PPA2: variants seen among roughly 807,000 people sequenced by gnomAD.
PPA2 encodes the protein inorganic pyrophosphatase 2.
Under a neutral mutation model 49.5 loss-of-function variants are expected in PPA2, and 48 were observed. The observed-to-expected ratio is 0.97, with a 90% confidence interval of 0.77 to 1.23. The LOEUF is 1.23. Ranked by LOEUF, PPA2 falls within the 50% of genes most tolerant of loss-of-function variation. The pLI is 0.00. For missense variants in PPA2, 429 were observed against 410.1 expected, an observed-to-expected ratio of 1.05 and a Z score of -0.40; for synonymous variants, 131 against 139.9, an observed-to-expected ratio of 0.94 and a Z score of 0.45.
At chr4:105,411,123 T>C (rs1434799146) in intron 7 of PPA2, among the ~76,000 whole-genome samples, 1 of 152,036 alleles carries the variant, frequency 6.6e-6, no homozygotes, top group African/African-American at 2.4e-5. Context: ...GACTGGCAAA[T>C]TGGATAAAGA....
chr4:105,451,029 T>C (rs564964084), intron 3 of PPA2, among the ~76,000 whole-genome samples: 2 of 152,168 alleles, frequency 1.3e-5, no homozygotes, highest in Non-Finnish European at 2.9e-5. Flanking sequence ...TGATTTAACA[T>C]ACTTATTTTC....
At chr4:105,421,455 A>C (rs1333694983) in intron 7 of PPA2, among the ~76,000 whole-genome samples, 2 of 152,198 alleles carry the variant, frequency 1.3e-5, no homozygotes, top group African/African-American at 2.4e-5. Flanking sequence ...TATAATTTTT[A>C]AAATGCCATC....
At chr4:105,420,963 C>A (rs975224495) in intron 7 of PPA2, among the ~76,000 whole-genome samples, 1 of 152,092 alleles carries the variant, frequency 6.6e-6, no homozygotes, top group African/African-American at 2.4e-5. Context: ...ATAGGAAAAA[C>A]AATTATACTT....
intron 1 of PPA2, among the ~76,000 whole-genome samples, chr4:105,462,819 G>C (rs1022138282): frequency 4.8e-4 from 73 of 152,116 alleles, no homozygotes; most frequent in Admixed American, 3.9e-4. Context: ...ATTACAGAAG[G>C]GGTAGTGTTC....
chr4:105,411,747 G>A (rs1306727168), intron 7 of PPA2, among the ~76,000 whole-genome samples: 2 of 152,138 alleles, frequency 1.3e-5, no homozygotes, highest in Admixed American at 6.5e-5. Context: ...CAAAGTCTCA[G>A]GATACAAAAT....
intron 7 of PPA2, among the ~76,000 whole-genome samples, chr4:105,414,091 G>GA (rs139170886): frequency 0.016 from 2,421 of 152,162 alleles, 44 homozygotes; most frequent in African/African-American, 0.051. Flanking sequence ...AGAAATACAA[G>GA]AAAGATGTTC....
chr4:105,417,455 A>G (rs1723063895), intron 7 of PPA2, among the ~76,000 whole-genome samples: 1 of 152,104 alleles, frequency 6.6e-6, no homozygotes. Context: ...AAAGGCTTTG[A>G]GAGGTTATGA....
intron 9 of PPA2, among the ~76,000 whole-genome samples, chr4:105,390,764 G>C (rs1482573462): frequency 6.6e-6 from 1 of 152,188 alleles, no homozygotes; most frequent in African/African-American, 2.4e-5. Flanking sequence ...AACCATTGTG[G>C]AAGACAGTGT....
chr4:105,374,928 T>G (rs2636695), intron 10 of PPA2, among the ~76,000 whole-genome samples: 37,198 of 150,752 alleles, frequency 0.25, 4,715 homozygotes, highest in East Asian at 0.43. Flanking sequence ...CTGAACTCAA[T>G]TGATCTACCC....
chr4:105,392,219 T>G (rs955143165), intron 9 of PPA2, among the ~76,000 whole-genome samples: 2 of 151,898 alleles, frequency 1.3e-5, no homozygotes, highest in Non-Finnish European at 1.5e-5. Context: ...TAATATAATA[T>G]TTAGATTTCA....
chr4:105,400,647 T>C (rs1010603167), intron 7 of PPA2, among the ~76,000 whole-genome samples: 20 of 152,162 alleles, frequency 1.3e-4, no homozygotes, highest in Non-Finnish European at 1.5e-5. Context: ...TGCTTAAATC[T>C]GATTTATGAC....
intron 7 of PPA2, among the ~76,000 whole-genome samples, chr4:105,420,388 G>A (rs538471897): frequency 1.3e-5 from 2 of 152,184 alleles, no homozygotes; most frequent in Admixed American, 6.5e-5. Context: ...TTACTGGTGC[G>A]AGCAACCATG....
At position 105,455,765 on chromosome 4, in the gene PPA2, A is replaced by G. The variant is rs1722851746; in HGVS notation, c.222+916T>C. ...TCTGAGGTAACACCAGGGTCAAACAACCCTTGCATCTGAAGTAGCCTCCTC... is the reference window on the plus strand; with the variant it reads ...TCTGAGGTAACACCAGGGTCAAACAGCCCTTGCATCTGAAGTAGCCTCCTC... On this transcript the variant is annotated intron_variant, in intron 2 of 11. Coordinates refer to ENST00000341695, the MANE Select transcript of PPA2 (RefSeq NM_176869.3). 2.0e-5 allele frequency among the ~76,000 whole-genome samples: 3 copies of G among 151,976 alleles called. No individual in the cohort carries two copies. The South Asian group carries it at 6.2e-4, about 32-fold the overall frequency.
At position 105,465,374 on chromosome 4, in the gene PPA2, C is replaced by A. The variant is rs544775382; in HGVS notation, c.157+8520G>T. ...TATCATCAAAATTATGGAATCCTCT[C>A]TTTACCCAAACAGCTCCTTCAGGAA... is the stretch of plus-strand genomic sequence containing the variant. On this transcript the variant is annotated intron_variant, in intron 1 of 11. Transcript: ENST00000341695. Among the ~76,000 whole-genome samples, 16 of 152,320 alleles carry A rather than the reference C, an allele frequency of 1.1e-4. 1 individual carries two copies. The South Asian group carries it at 3.3e-3, about 32-fold the overall frequency.
Position 105,369,661 on chromosome 4 carries a change from T to A in PPA2, c.*64A>T. The A allele has an allele frequency of 1.1e-6, 1 of 904,818 alleles. No homozygotes were observed. The highest frequency in any genetic ancestry group is 1.5e-6 in the Non-Finnish European group (1 of 646,650). 56.0% of individuals were successfully genotyped at this position (904,818 alleles called of 1,614,324 possible). ...AGTCAGTAAATGCTCATAGACCCCC[T>A]TGTCTCTAGCACTTGGAGTCCTTAG... is the stretch of plus-strand genomic sequence containing the variant. On this transcript the variant is annotated 3_prime_UTR_variant, in exon 12 of 12. Transcript: ENST00000341695.
intron 9 of PPA2, among the ~76,000 whole-genome samples, chr4:105,388,285 A>G (rs1330186338): frequency 1.3e-5 from 2 of 152,148 alleles, no homozygotes; most frequent in African/African-American, 4.8e-5. Context: ...TTCATCTGTT[A>G]AATCTGATAA....
intron 7 of PPA2, among the ~76,000 whole-genome samples, chr4:105,411,339 T>C (rs1722748105): frequency 6.6e-6 from 1 of 151,972 alleles, no homozygotes; most frequent in Non-Finnish European, 1.5e-5. Context: ...AGTAAACAAA[T>C]CAATTCAACA....
chr4:105,427,890 A>G (rs778526352), intron 6 of PPA2, among the ~76,000 whole-genome samples: 2 of 152,134 alleles, frequency 1.3e-5, no homozygotes, highest in Admixed American at 6.5e-5. Flanking sequence ...CCCAACATAC[A>G]TAATTGTCAG....
intron 7 of PPA2, among the ~76,000 whole-genome samples, chr4:105,415,870 G>T (rs989685665): frequency 6.6e-5 from 10 of 152,196 alleles, no homozygotes; most frequent in Non-Finnish European, 1.0e-4. Context: ...ACTCTAAAAG[G>T]TTAAGTAATT....
Sources: allele counts gnomAD v4.1 joint callset (sites outside exome capture counted in the v4.1 genomes callset), GRCh38; gene constraint gnomAD v4.1.1; transcripts MANE v1.5; gene names NCBI Gene and HGNC (gene_info 2026-07-23, HGNC 2026-07-21).